Variants in OGDH observed in about 807,000 individuals in gnomAD.
OGDH encodes the protein oxoglutarate dehydrogenase.
A neutral mutation model predicts 116.6 loss-of-function variants in OGDH; 38 were observed. The observed-to-expected ratio is 0.33, with a 90% CI of 0.25 to 0.43. OGDH has a LOEUF of 0.43. Among genes scored for constraint, OGDH ranks in the 20% least tolerant of loss-of-function variants. The pLI is 1.00. For missense variants in OGDH, 825 were observed against 1,357.2 expected, an observed-to-expected ratio of 0.61 and a Z score of 6.16; for synonymous variants, 488 against 533.3, an observed-to-expected ratio of 0.92 and a Z score of 1.17.
chr7:44,616,833 A>C (rs1472758585), intron 1 of OGDH, among the ~76,000 whole-genome samples: 1 of 129,202 alleles, frequency 7.7e-6, no homozygotes, highest in African/African-American at 3.2e-5. Context: ...ATGTGTATAT[A>C]TACACATATA....
intron 1 of OGDH, among the ~76,000 whole-genome samples, chr7:44,609,239 C>T (rs977888486): frequency 2.7e-5 from 4 of 149,752 alleles, no homozygotes; most frequent in African/African-American, 7.4e-5. Context: ...GGCGCAGTGG[C>T]TTACGCCTGT....
rs578041027 is a variant in OGDH, at chr7:44,609,559, A to G, written c.-28+2906A>G. Among the ~76,000 whole-genome samples the G allele has an allele frequency of 9.3e-5, 14 of 151,338 alleles. No homozygotes were observed. The South Asian group carries it at 2.5e-3, about 27-fold the overall frequency. Reference sequence around the variant, plus strand: ...CATTCCTTTTTATTGAAGCCGGGCTATTGGGCTATGGATGTACCACATTTG... The same window carrying G: ...CATTCCTTTTTATTGAAGCCGGGCTGTTGGGCTATGGATGTACCACATTTG... On this transcript the variant is annotated intron_variant, in intron 1 of 22. Transcript: ENST00000222673.
At chr7:44,685,553 G>A (rs1276523396) in intron 10 of OGDH, among the ~76,000 whole-genome samples, 3 of 151,850 alleles carry the variant, frequency 2.0e-5, no homozygotes, top group Non-Finnish European at 4.4e-5. Flanking sequence ...ACATTTTCCT[G>A]TTATGAATAA....
intron 3 of OGDH, among the ~76,000 whole-genome samples, chr7:44,646,306 C>A (rs953362496): frequency 6.6e-5 from 10 of 152,236 alleles, no homozygotes; most frequent in Admixed American, 2.6e-4. Flanking sequence ...TTGGTGGCAA[C>A]AAGGGGACTC....
At chr7:44,667,020 C>T (rs1787214809) in intron 5 of OGDH, among the ~76,000 whole-genome samples, 169 bp downstream of exon 5, 1 of 152,132 alleles carries the variant, frequency 6.6e-6, no homozygotes, top group South Asian at 2.1e-4. Context: ...CAGTTTGGCT[C>T]ACTGCAGCCT....
At chr7:44,683,233 T>TTTTG (rs778721736) in intron 10 of OGDH, among the ~76,000 whole-genome samples, 5 of 152,148 alleles carry the variant, frequency 3.3e-5, no homozygotes, top group African/African-American at 4.8e-5. Context: ...TGTTTTAGAT[T>TTTTG]TTTGTTTGTT....
At position 44,698,398 on chromosome 7, in the gene OGDH, G is replaced by A. The variant is rs977802157; in HGVS notation, c.2430+135G>A. 3.2e-5 allele frequency: 28 copies of A among 871,908 alleles called. 1 individual carries two copies. The highest frequency in any genetic ancestry group is 3.3e-5 in the African/African-American group (2 of 59,912). 54.0% of individuals were successfully genotyped at this position (871,908 alleles called of 1,614,324 possible). ...CCTTTCTCCATCCTGGGGAGCTCAC[G>A]TGAGTGGACAGGTGTGGCCCCATGC... On this transcript the variant is annotated intron_variant, in intron 18 of 22. Transcript: ENST00000222673.
intron 4 of OGDH, among the ~76,000 whole-genome samples, chr7:44,663,191 C>T (rs189731166): frequency 2.6e-5 from 4 of 152,348 alleles, no homozygotes; most frequent in Admixed American, 2.0e-4. Flanking sequence ...CTCTGCCCCT[C>T]CATTCTGCCA....
Position 44,654,536 on chromosome 7 carries a change from T to C in OGDH, c.517+6777T>C, listed in dbSNP as rs115867052. Reference sequence around the variant, plus strand: ...TAGCTTTTGTAATTTCAGAGTGATATAGAGCAGTTCATTTAGTAAGCATTG... The same window carrying C: ...TAGCTTTTGTAATTTCAGAGTGATACAGAGCAGTTCATTTAGTAAGCATTG... On this transcript the variant is annotated intron_variant, in intron 4 of 22. Transcript: ENST00000222673. Among the ~76,000 whole-genome samples, 573 of 152,300 alleles carry C rather than the reference T, an allele frequency of 3.8e-3. 4 individuals carry two copies. Among genetic ancestry groups the C allele is most frequent in the African/African-American group, 0.013 (530 of 41,566 alleles).
rs557186594 is a variant in OGDH at position 44,665,353 on chromosome 7, A to G, written c.518-1383A>G. The stretch of plus-strand genomic sequence containing the variant: ...AAAACAAACAGGGCTTGGAAAATGT[A>G]GAGTTTGCTTTTAAGACTTAAAAAA... On this transcript the variant is annotated intron_variant, in intron 4 of 22. Transcript: ENST00000222673. 6.6e-5 allele frequency among the ~76,000 whole-genome samples: 10 copies of G among 152,076 alleles called. No homozygotes were observed. In the East Asian group the frequency reaches 1.4e-3, roughly 21 times the overall value.
At chr7:44,701,096 T>C (rs1788810391) in intron 19 of OGDH, among the ~76,000 whole-genome samples, 1 of 149,856 alleles carries the variant, frequency 6.7e-6, no homozygotes, top group East Asian at 2.0e-4. Flanking sequence ...ACCGCGGGGG[T>C]GGGAGTATGG....
intron 4 of OGDH, among the ~76,000 whole-genome samples, chr7:44,652,751 C>T (rs546054887): frequency 6.6e-6 from 1 of 152,192 alleles, no homozygotes; most frequent in African/African-American, 2.4e-5. Flanking sequence ...TAGTGAGGTT[C>T]CTTGACAGCA....
In OGDH at chr7:44,707,742, G is replaced by C; in HGVS notation, c.2951+6G>C. ...AGCCGCGCCAAGCCCGTCTGGTAAG[G>C]CTTCAGTCCCTGCCAGGAAGGCTGT... is the stretch of plus-strand genomic sequence containing the variant. On this transcript the variant is annotated splice_donor_region_variant and intron_variant, in intron 22 of 22. Coordinates refer to ENST00000222673, the MANE Select transcript of OGDH (RefSeq NM_002541.4). This position sits in a 1 kb window ranked among gnomAD's most constrained non-coding sequence, Gnocchi z 5.2. 1.9e-6 allele frequency: 3 copies of C among 1,614,130 alleles called. No individual in the cohort carries two copies. The highest frequency in any genetic ancestry group is 2.5e-6 in the Non-Finnish European group (3 of 1,180,028).
chr7:44,669,113 C>T (rs1445021522), intron 5 of OGDH, among the ~76,000 whole-genome samples: 1 of 149,640 alleles, frequency 6.7e-6, no homozygotes, highest in African/African-American at 2.5e-5. Context: ...TACCTTTTAC[C>T]TCAGAGGAGT....
intron 9 of OGDH, among the ~76,000 whole-genome samples, chr7:44,678,406 A>G (rs2116201619): frequency 6.6e-6 from 1 of 152,340 alleles, no homozygotes; most frequent in South Asian, 2.1e-4. Flanking sequence ...TACTCACCTC[A>G]TAATGCTGGA....
intron 4 of OGDH, among the ~76,000 whole-genome samples, chr7:44,658,095 C>T (rs1246191234): frequency 6.6e-6 from 1 of 152,186 alleles, no homozygotes; most frequent in Non-Finnish European, 1.5e-5. Context: ...AGGGCCTTTT[C>T]CTTCTCCATA....
At position 44,701,582 on chromosome 7, in the gene OGDH, G is replaced by T; in HGVS notation, c.2599G>T (p.Glu867Ter). 6.2e-7 allele frequency: 1 copy of T among 1,614,172 alleles called. No individual in the cohort carries two copies. The highest frequency in any genetic ancestry group is 8.5e-7 in the Non-Finnish European group (1 of 1,180,028). Residue 867 changes from glutamate (E) to a stop codon, truncating the protein, a stop_gained, in exon 20 of 23, where the codon GAG (glutamate) becomes TAG (stop). Transcript: ENST00000222673. LOFTEE classifies it high-confidence loss of function. ...FTPKSLLRHP[E>*]ARSSFDEMLP... is the part of the protein sequence containing the mutation. ...CCCCAAATCCCTGTTGCGCCACCCCGAGGCCAGATCCAGCTTTGATGAGAT... is the reference window on the plus strand; with the variant it reads ...CCCCAAATCCCTGTTGCGCCACCCCTAGGCCAGATCCAGCTTTGATGAGAT...
chr7:44,698,385 C>T (rs1347720265), intron 18 of OGDH, 122 bp downstream of exon 18: 1 of 1,013,774 alleles, frequency 9.9e-7, no homozygotes. Context: ...TTTCTCCATC[C>T]TGGGGAGCTC....
chr7:44,695,613 G>T (rs1562683283), intron 12 of OGDH, among the ~76,000 whole-genome samples: 6 of 151,618 alleles, frequency 4.0e-5, no homozygotes, highest in Admixed American at 2.6e-4. Flanking sequence ...TGAGGCAGGA[G>T]AATCGCTTGA....
Sources: gnomAD v4.1 joint callset for allele counts (sites outside exome capture counted in the v4.1 genomes callset) on GRCh38, gnomAD v4.1.1 for gene constraint, Gnocchi (gnomAD v3.1) non-coding constraint, MANE v1.5 for transcripts, NCBI Gene and HGNC (gene_info 2026-07-23, HGNC 2026-07-21) for gene names.